The following PAIP2 variants were observed in gnomAD, a reference collection of about 807,000 sequenced individuals.
The protein encoded by PAIP2 is polyadenylate-binding protein-interacting protein 2.
PAIP2 carries 7 observed loss-of-function variants against 14.8 expected under a neutral mutation model. That is an observed-to-expected ratio of 0.47 (90% CI 0.27 to 0.89). The LOEUF is 0.89. PAIP2 is among the 40% of genes least tolerant of loss of function. The pLI is 0.13. For synonymous variants in PAIP2, 47 were observed against 45.3 expected (o/e 1.04, Z -0.15); for missense variants, 122 against 154.7 (o/e 0.79, Z 1.12).
intron 1 of PAIP2, among the ~76,000 whole-genome samples, chr5:139,349,951 G>A (rs62381619): frequency 0.045 from 6,824 of 152,062 alleles, 223 homozygotes; most frequent in African/African-American, 0.085. Flanking sequence ...ACAGTGATCC[G>A]AGATTGCGCC....
chr5:139,360,378 CTT>C (rs1482332894), intron 1 of PAIP2, among the ~76,000 whole-genome samples: 1 of 152,188 alleles, frequency 6.6e-6, no homozygotes, highest in Non-Finnish European at 1.5e-5. Flanking sequence ...TGTTTTCTGT[CTT>C]GTCTGCTTTT....
chr5:139,368,942 A>G lies in PAIP2; in HGVS notation c.*144A>G, dbSNP rs1490877863. 1.7e-6 allele frequency: 1 copy of G among 602,614 alleles called. No homozygotes were observed. The allele number at this position is 602,614 out of a possible 1,614,324, so 37.3% of individuals were successfully genotyped here. A position where few individuals can be genotyped will look rare whatever the true frequency, so the allele number is the denominator to read the frequency against. ...TTTTGTTAGTCTTGCATGCTTAATAAAAGTGCTGAGACTGTTACTAAGTAA... is the reference window on the plus strand; with the variant it reads ...TTTTGTTAGTCTTGCATGCTTAATAGAAGTGCTGAGACTGTTACTAAGTAA... On this transcript the variant is annotated 3_prime_UTR_variant, in exon 4 of 4. Coordinates refer to ENST00000265192, the MANE Select transcript of PAIP2 (RefSeq NM_016480.5).
At chr5:139,352,548 A>C (rs1354473750) in intron 1 of PAIP2, among the ~76,000 whole-genome samples, 1 of 119,048 alleles carries the variant, frequency 8.4e-6, no homozygotes, top group Non-Finnish European at 1.7e-5. Flanking sequence ...CCCAGGCTGG[A>C]GTGCAATGGA....
At chr5:139,351,359 A>G (rs1756729857) in intron 1 of PAIP2, among the ~76,000 whole-genome samples, 3 of 152,114 alleles carry the variant, frequency 2.0e-5, no homozygotes, top group Non-Finnish European at 4.4e-5. Context: ...GTGTAATGGC[A>G]AAAAGTGGGA....
intron 1 of PAIP2, among the ~76,000 whole-genome samples, chr5:139,360,047 A>G (rs1012872728): frequency 6.7e-6 from 1 of 149,568 alleles, no homozygotes; most frequent in Admixed American, 6.7e-5. Flanking sequence ...GCTCACTGCA[A>G]CCTCCACCTC....
intron 1 of PAIP2, among the ~76,000 whole-genome samples, chr5:139,354,798 G>T (rs1212279784): frequency 1.3e-5 from 2 of 148,900 alleles, no homozygotes; most frequent in African/African-American, 4.9e-5. Flanking sequence ...AACCCCTCTA[G>T]TAAATTTTTC....
intron 1 of PAIP2, among the ~76,000 whole-genome samples, chr5:139,352,932 G>A (rs1371770626): frequency 6.6e-6 from 1 of 151,590 alleles, no homozygotes; most frequent in Non-Finnish European, 1.5e-5. Flanking sequence ...CCTGACCAAC[G>A]TGGAGAAACT....
chr5:139,346,391 G>GCA (rs1409456035), intron 1 of PAIP2, among the ~76,000 whole-genome samples: 2 of 147,870 alleles, frequency 1.4e-5, no homozygotes, highest in Non-Finnish European at 3.0e-5. Flanking sequence ...ACAAGCATGT[G>GCA]CCACCACGCC....
At chr5:139,347,033 T>C (rs976080364) in intron 1 of PAIP2, among the ~76,000 whole-genome samples, 3 of 152,066 alleles carry the variant, frequency 2.0e-5, no homozygotes, top group Admixed American at 2.0e-4. Flanking sequence ...GGTCTCAAAC[T>C]CCTCACCTCA....
At chr5:139,359,744 C>T (rs989365803) in intron 1 of PAIP2, among the ~76,000 whole-genome samples, 13 of 151,244 alleles carry the variant, frequency 8.6e-5, no homozygotes, top group African/African-American at 2.9e-4. Context: ...CTGAGGTGGG[C>T]GGATCACTTG....
At chr5:139,357,587 C>T (rs1756951927) in intron 1 of PAIP2, among the ~76,000 whole-genome samples, 2 of 152,102 alleles carry the variant, frequency 1.3e-5, no homozygotes, top group African/African-American at 4.8e-5. Flanking sequence ...AATCCAAACA[C>T]TCTGGGAGGC....
At chr5:139,365,500 A>G (rs534657468) in intron 3 of PAIP2, among the ~76,000 whole-genome samples, 1 of 150,786 alleles carries the variant, frequency 6.6e-6, no homozygotes, top group South Asian at 2.1e-4. Flanking sequence ...AAAAAAAAGA[A>G]AAAAAAAATA....
intron 1 of PAIP2, among the ~76,000 whole-genome samples, chr5:139,348,693 T>TA (rs1448757202): frequency 6.8e-6 from 1 of 146,342 alleles, no homozygotes; most frequent in Non-Finnish European, 1.5e-5. Flanking sequence ...TTTTTTTTTT[T>TA]TAAAGTCAGA....
chr5:139,364,726 TCTC>T lies in PAIP2; in HGVS notation c.302_304del (p.Ser101del). On this transcript the variant is annotated inframe_deletion, in exon 3 of 4. Transcript: ENST00000265192. ...TGACCTTGTTATCAGTGATGGCTCTTCTCTGGAAGATCTTGTGGTAAAAAGTTA... is the reference window on the plus strand; with the variant it reads ...TGACCTTGTTATCAGTGATGGCTCTTTGGAAGATCTTGTGGTAAAAAGTTA... 6.2e-7 allele frequency: 1 copy of T among 1,603,220 alleles called. No individual in the cohort carries two copies. Among genetic ancestry groups the T allele is most frequent in the African/African-American group, 1.3e-5 (1 of 74,682 alleles).
intron 1 of PAIP2, among the ~76,000 whole-genome samples, chr5:139,362,141 A>G (rs1348550989): frequency 6.6e-6 from 1 of 152,186 alleles, no homozygotes; most frequent in African/African-American, 2.4e-5. Context: ...TTTTGAAGTC[A>G]GTTTTTAAAA....
At chr5:139,365,717 T>G (rs1204035525) in intron 3 of PAIP2, among the ~76,000 whole-genome samples, 2 of 150,896 alleles carry the variant, frequency 1.3e-5, no homozygotes. Context: ...GGAAGCAGAG[T>G]CTCACGACAT....
intron 1 of PAIP2, among the ~76,000 whole-genome samples, chr5:139,358,704 C>A (rs977500615): frequency 6.6e-6 from 1 of 152,160 alleles, no homozygotes; most frequent in African/African-American, 2.4e-5. Flanking sequence ...CTGATACATG[C>A]TACAACATAG....
At position 139,368,867 on chromosome 5, in the gene PAIP2, A is replaced by G; in HGVS notation, c.*69A>G. 1 of 1,156,418 alleles carries G rather than the reference A, an allele frequency of 8.6e-7. No homozygotes were observed. The highest frequency in any genetic ancestry group is 1.3e-5 in the South Asian group (1 of 78,144). 71.6% of individuals were successfully genotyped at this position (1,156,418 alleles called of 1,614,324 possible). A position where few individuals can be genotyped will look rare whatever the true frequency, so the allele number is the denominator to read the frequency against. On this transcript the variant is annotated 3_prime_UTR_variant, in exon 4 of 4. Coordinates refer to ENST00000265192, the MANE Select transcript of PAIP2 (RefSeq NM_016480.5). Reference sequence around the variant, plus strand: ...CTGTGAAGGCAGTATTAGAAGACTTAATTGTAAAAGCTCTCTTGTCACTGT... The same window carrying G: ...CTGTGAAGGCAGTATTAGAAGACTTGATTGTAAAAGCTCTCTTGTCACTGT...
At chr5:139,349,831 GT>G (rs1326528744) in intron 1 of PAIP2, among the ~76,000 whole-genome samples, 1 of 151,490 alleles carries the variant, frequency 6.6e-6, no homozygotes, top group Non-Finnish European at 1.5e-5. Flanking sequence ...GTGAAACCCC[GT>G]TTCTACTAAA....
Sources: allele counts gnomAD v4.1 joint callset (sites outside exome capture counted in the v4.1 genomes callset), GRCh38; gene constraint gnomAD v4.1.1; transcripts MANE v1.5; gene names NCBI Gene and HGNC (gene_info 2026-07-23, HGNC 2026-07-21).